The following BBS9 variants were observed in gnomAD, a reference collection of about 807,000 sequenced individuals.
BBS9 encodes the protein Bardet-Biedl syndrome 9, also known as protein PTHB1.
BBS9 carries 89 observed loss-of-function variants against 117.7 expected under a neutral mutation model. The observed-to-expected ratio is 0.76, with a 90% confidence interval of 0.64 to 0.90. The LOEUF is 0.90. BBS9 is among the 40% of genes least tolerant of loss of function. The probability of loss-of-function intolerance (pLI) is 0.00; values close to 1 mark genes in which losing one functional copy is unlikely to be tolerated. For synonymous variants in BBS9, 379 were observed against 370.9 expected (o/e 1.02, Z -0.25); for missense variants, 982 against 1,042.2 (o/e 0.94, Z 0.80).
intron 19 of BBS9, among the ~76,000 whole-genome samples, chr7:33,433,066 C>T (rs527854266): frequency 2.0e-5 from 3 of 152,236 alleles, no homozygotes; most frequent in Non-Finnish European, 2.9e-5. Flanking sequence ...GAATCATTTC[C>T]TCCAGTACCA....
intron 5 of BBS9, among the ~76,000 whole-genome samples, chr7:33,247,864 C>G (rs1389417448): frequency 1.3e-5 from 2 of 152,156 alleles, no homozygotes; most frequent in African/African-American, 4.8e-5. Context: ...TTAGGGCCTT[C>G]TTTTAAACTC....
intron 19 of BBS9, among the ~76,000 whole-genome samples, chr7:33,480,107 T>C (rs758354582): frequency 6.6e-6 from 1 of 152,168 alleles, no homozygotes; most frequent in African/African-American, 2.4e-5. Context: ...CATATAGCAA[T>C]GCTCAGTAAG....
intron 19 of BBS9, among the ~76,000 whole-genome samples, chr7:33,475,660 C>G (rs999938867): frequency 1.3e-5 from 2 of 151,986 alleles, no homozygotes; most frequent in Non-Finnish European, 2.9e-5. Context: ...CCCTAGGGGA[C>G]AAACTCTCTG....
intron 19 of BBS9, among the ~76,000 whole-genome samples, chr7:33,393,685 T>G (rs1827450128): frequency 1.3e-5 from 2 of 152,154 alleles, no homozygotes; most frequent in Admixed American, 1.3e-4. Context: ...TGGTAGCTCT[T>G]CTGGATAGCT....
intron 21 of BBS9, among the ~76,000 whole-genome samples, chr7:33,618,133 A>C (rs1189415168): frequency 6.6e-6 from 1 of 152,130 alleles, no homozygotes; most frequent in African/African-American, 2.4e-5. Context: ...TTAGGCCAGG[A>C]ATTAGAGACC....
chr7:33,551,804 ATCTT>A (rs1220504157), intron 21 of BBS9, among the ~76,000 whole-genome samples: 1 of 152,202 alleles, frequency 6.6e-6, no homozygotes, highest in Admixed American at 6.5e-5. Context: ...TTTGTGCCAC[ATCTT>A]TCTTATGACT....
chr7:33,253,645 G>T (rs1000855596), intron 5 of BBS9, among the ~76,000 whole-genome samples: 6 of 152,140 alleles, frequency 3.9e-5, no homozygotes, highest in Non-Finnish European at 8.8e-5. Context: ...TTTCTGTCGT[G>T]TTTAACCATC....
chr7:33,594,548 T>C (rs779389752), intron 21 of BBS9, among the ~76,000 whole-genome samples: 89 of 152,266 alleles, frequency 5.8e-4, no homozygotes, highest in Admixed American at 1.7e-3. Context: ...GGCATTTTTT[T>C]CTGCTGCTTT....
At chr7:33,602,165 C>G (rs1352306112) in intron 21 of BBS9, among the ~76,000 whole-genome samples, 1 of 151,820 alleles carries the variant, frequency 6.6e-6, no homozygotes. Context: ...CCTGGGAGTG[C>G]CTCTTTCCAA....
At chr7:33,568,506 T>C (rs905281017) in intron 21 of BBS9, among the ~76,000 whole-genome samples, 2 of 152,230 alleles carry the variant, frequency 1.3e-5, no homozygotes, top group African/African-American at 2.4e-5. Context: ...AGGTTAGCAA[T>C]GGGCTTATCT....
intron 9 of BBS9, among the ~76,000 whole-genome samples, chr7:33,300,579 T>C (rs1353047853): frequency 6.6e-6 from 1 of 152,056 alleles, no homozygotes; most frequent in East Asian, 1.9e-4. Flanking sequence ...AATTTGGATT[T>C]TGGAAAAATT....
chr7:33,334,691 G>A (rs1814922505), intron 9 of BBS9, among the ~76,000 whole-genome samples: 1 of 152,094 alleles, frequency 6.6e-6, no homozygotes, highest in East Asian at 1.9e-4. Context: ...AGGGGTAGAT[G>A]GCAGAAGCAA....
chr7:33,305,810 GCTGAGGGTT>G (rs1170479861), intron 9 of BBS9, among the ~76,000 whole-genome samples: 5 of 151,568 alleles, frequency 3.3e-5, no homozygotes, highest in Middle Eastern at 3.4e-3. Context: ...TCTTACGCTG[GCTGAGGGTT>G]TGCCAATTTT....
chr7:33,369,614 T>C (rs139094715), intron 17 of BBS9, among the ~76,000 whole-genome samples: 142 of 152,246 alleles, frequency 9.3e-4, no homozygotes, highest in African/African-American at 3.2e-3. Flanking sequence ...TACAATTCTA[T>C]GATGGTTTTT....
chr7:33,219,293 C>T (rs979607902), intron 5 of BBS9, among the ~76,000 whole-genome samples: 16 of 152,222 alleles, frequency 1.1e-4, no homozygotes, highest in Admixed American at 5.9e-4. Context: ...CGAGCTTCCC[C>T]GGTGAGCGCC....
rs1860829463 is a variant in BBS9 at position 33,586,032 on chromosome 7, A to G, written c.2522-18833A>G. Among the ~76,000 whole-genome samples, 5 of 152,096 alleles carry G rather than the reference A, an allele frequency of 3.3e-5. No homozygotes were observed. In the South Asian group the frequency reaches 1.0e-3, roughly 32 times the overall value. On this transcript the variant is annotated intron_variant, in intron 21 of 22. Coordinates refer to ENST00000242067, the MANE Select transcript of BBS9 (RefSeq NM_198428.3). ...CCTCTGATGCCTTATATAAGGTTTT[A>G]TTTACTCCCCACAATCAGTTTTAGG...
chr7:33,259,191 G>A (rs1330728382), intron 6 of BBS9, among the ~76,000 whole-genome samples: 2 of 152,094 alleles, frequency 1.3e-5, no homozygotes, highest in Non-Finnish European at 2.9e-5. Flanking sequence ...TCTATATTCA[G>A]TTAATATAAT....
intron 20 of BBS9, among the ~76,000 whole-genome samples, chr7:33,513,637 C>G (rs1468821568): frequency 2.0e-5 from 3 of 152,118 alleles, no homozygotes; most frequent in Admixed American, 1.3e-4. Context: ...TTTATAAGAA[C>G]AAAACCTGGT....
At chr7:33,214,325 C>A (rs925893420) in intron 5 of BBS9, among the ~76,000 whole-genome samples, 6 of 152,166 alleles carry the variant, frequency 3.9e-5, no homozygotes, top group Non-Finnish European at 8.8e-5. Context: ...ATGAAGTGCA[C>A]AGACTCTACA....
Sources: allele counts gnomAD v4.1 joint callset (sites outside exome capture counted in the v4.1 genomes callset), GRCh38; gene constraint gnomAD v4.1.1; transcripts MANE v1.5; gene names NCBI Gene and HGNC (gene_info 2026-07-23, HGNC 2026-07-21).